The following NLRP13 variants were observed in gnomAD, a reference collection of about 807,000 sequenced individuals.
NLRP13 encodes NACHT, LRR and PYD domains-containing protein 13.
A neutral mutation model predicts 94.4 loss-of-function variants in NLRP13; 82 were observed. That is an observed-to-expected ratio of 0.87 (90% CI 0.73 to 1.04). NLRP13 has a LOEUF of 1.04. Among genes scored for constraint, NLRP13 ranks in the 50% least tolerant of loss-of-function variants. The pLI, the probability that NLRP13 is intolerant of heterozygous loss-of-function variation, is 0.00. For missense variants in NLRP13, 1,426 were observed against 1,230.8 expected, an observed-to-expected ratio of 1.16 and a Z score of -2.37; for synonymous variants, 553 against 464.7, an observed-to-expected ratio of 1.19 and a Z score of -2.45.
At chr19:55,919,628 AC>A (rs953024494) in intron 4 of NLRP13, among the ~76,000 whole-genome samples, 3 of 152,120 alleles carry the variant, frequency 2.0e-5, no homozygotes, top group Non-Finnish European at 4.4e-5. Context: ...TTAAAAAAAA[AC>A]ACCTAAGGAA....
At chr19:55,923,386 C>A (rs1986886182) in intron 4 of NLRP13, among the ~76,000 whole-genome samples, 1 of 152,170 alleles carries the variant, frequency 6.6e-6, no homozygotes, top group Non-Finnish European at 1.5e-5. Flanking sequence ...ATGGTTCTTA[C>A]CCTGGGGCAA....
chr19:55,896,820 C>CAAAAAAAAAAAAAAAAAAAA (rs3073244), intron 10 of NLRP13, among the ~76,000 whole-genome samples: 1 of 80,914 alleles, frequency 1.2e-5, no homozygotes, highest in South Asian at 7.8e-4. Context: ...CTCCATCTCA[C>CAAAAAAAAAAAAAAAAAAAA]AAAAAAAAAA....
chr19:55,903,253 A>G (rs1356687055), intron 8 of NLRP13, among the ~76,000 whole-genome samples: 1 of 152,144 alleles, frequency 6.6e-6, no homozygotes, highest in Non-Finnish European at 1.5e-5. Flanking sequence ...CGATAATCCC[A>G]TTCTTGGAGA....
chr19:55,924,035 C>T (rs1986908408), intron 3 of NLRP13, 56 bp from the exon 4 acceptor site: 1 of 1,398,176 alleles, frequency 7.2e-7, no homozygotes. Context: ...AAATGGGCCA[C>T]AATGATAAAG....
intron 9 of NLRP13, 57 bp from the exon 10 acceptor site, chr19:55,898,994 G>A (rs1986093828): frequency 1.3e-6 from 2 of 1,553,332 alleles, no homozygotes; most frequent in South Asian, 1.2e-5. Context: ...AAGCTGTGCT[G>A]TGTTTACAAC....
At position 55,918,253 on chromosome 19, in the gene NLRP13, C is replaced by CAAAAAAA. The variant is rs34099048; in HGVS notation, c.524-4967_524-4961dup. On this transcript the variant is annotated intron_variant, in intron 4 of 10. Coordinates refer to ENST00000342929, the MANE Select transcript of NLRP13 (RefSeq NM_176810.2). ...ACATATCAAAACCTCTGTGATACAG[C>CAAAAAAA]AAAAAAAAAAAAAAAGTTTATAGCA... 5.3e-3 allele frequency among the ~76,000 whole-genome samples: 690 copies of CAAAAAAA among 130,666 alleles called. 4 individuals carry two copies. Among genetic ancestry groups the CAAAAAAA allele is most frequent in the African/African-American group, 0.017 (596 of 34,788 alleles). The allele number at this position is 130,666 out of a possible 152,430, so 85.7% of individuals were successfully genotyped here.
chr19:55,930,746 G>C (rs575028), intron 1 of NLRP13, among the ~76,000 whole-genome samples: 61,244 of 145,446 alleles, frequency 0.42, 13,350 homozygotes, highest in East Asian at 0.61. Flanking sequence ...CAGGAAACAT[G>C]ATTATTTTCA....
chr19:55,915,891 T>TACTGCA (rs1986662797), intron 4 of NLRP13, among the ~76,000 whole-genome samples: 1 of 152,106 alleles, frequency 6.6e-6, no homozygotes, highest in Non-Finnish European at 1.5e-5. Flanking sequence ...GCATAAAAGC[T>TACTGCA]ACTGCAACTG....
At chr19:55,921,528 T>C (rs1986826457) in intron 4 of NLRP13, among the ~76,000 whole-genome samples, 2 of 152,200 alleles carry the variant, frequency 1.3e-5, no homozygotes, top group African/African-American at 2.4e-5. Context: ...TTTAAAAAGC[T>C]GGAAGCCTAG....
downstream of NLRP13, chr19:55,892,003 A>C: frequency 2.2e-6 from 2 of 916,694 alleles, no homozygotes. Context: ...CCGTGGGATC[A>C]CCACCACCAC....
chr19:55,906,379 AAAGAAAGACAGAAAGATAGAAAAT>A lies in NLRP13; in HGVS notation c.2448-1291_2448-1268del, dbSNP rs1286453429. Among the ~76,000 whole-genome samples the A allele has an allele frequency of 2.1e-3, 316 of 151,202 alleles. 9 individuals carry two copies. Among genetic ancestry groups the A allele is most frequent in the Admixed American group, 0.02 (308 of 15,060 alleles). On this transcript the variant is annotated intron_variant, in intron 7 of 10. Transcript: ENST00000342929. ...AGACAGATGATAGACAGACAGACAG[AAAGAAAGACAGAAAGATAGAAAAT>A]AAGTATGTCAATGTGATAAGTAAAT...
intron 4 of NLRP13, among the ~76,000 whole-genome samples, chr19:55,922,256 G>A (rs1986848661): frequency 6.6e-6 from 1 of 152,236 alleles, no homozygotes; most frequent in East Asian, 1.9e-4. Flanking sequence ...AGATTTCGGT[G>A]GAGACACAGC....
chr19:55,912,612 G>A lies in NLRP13; in HGVS notation c.1205C>T (p.Ser402Leu), dbSNP rs764186292. The A allele has an allele frequency of 6.2e-7, 1 of 1,614,130 alleles. No homozygotes were observed. Among genetic ancestry groups the A allele is most frequent in the Non-Finnish European group, 8.5e-7 (1 of 1,179,992 alleles). Residue 402 changes from serine to leucine, a missense_variant, in exon 5 of 11, where the codon TCA becomes TTA. Coordinates refer to ENST00000342929, the MANE Select transcript of NLRP13 (RefSeq NM_176810.2). ...CTGCAGGATTTTCTCAACTTCACTT[G>A]AGTCATCAAAGTGTCTCATGAAATA... ...RVYFMRHFDD[S>L]SEVEKILQQL...
At chr19:55,905,372 T>G (rs1986308470) in intron 7 of NLRP13, among the ~76,000 whole-genome samples, 1 of 150,870 alleles carries the variant, frequency 6.6e-6, no homozygotes, top group African/African-American at 2.4e-5. Flanking sequence ...AGAAACCTCA[T>G]CTCCACTAAA....
In NLRP13 at chr19:55,902,215, G is replaced by A; in HGVS notation, c.2619-10C>T. On this transcript the variant is annotated splice_polypyrimidine_tract_variant and intron_variant, in intron 8 of 10. Coordinates refer to ENST00000342929, the MANE Select transcript of NLRP13 (RefSeq NM_176810.2). ...CTGGCAAAACCAGAGCCTGCAGGGTGAAAGCCACAGAGATGGACACTCAGG... is the reference window on the plus strand; with the variant it reads ...CTGGCAAAACCAGAGCCTGCAGGGTAAAAGCCACAGAGATGGACACTCAGG... 2 of 1,613,054 alleles carry A rather than the reference G, an allele frequency of 1.2e-6. No individual in the cohort carries two copies. The highest frequency in any genetic ancestry group is 1.7e-4 in the Middle Eastern group (1 of 6,042).
At chr19:55,926,634 G>A (rs11671772) in intron 1 of NLRP13, among the ~76,000 whole-genome samples, 12,679 of 152,092 alleles carry the variant, frequency 0.083, 599 homozygotes, top group South Asian at 0.16. Flanking sequence ...GGGAAGCACC[G>A]GTGATTTACA....
At chr19:55,894,393 C>T (rs763219598), downstream of NLRP13, among the ~76,000 whole-genome samples, 4 of 152,106 alleles carry the variant, frequency 2.6e-5, no homozygotes, top group Non-Finnish European at 5.9e-5. Flanking sequence ...GGAAAGTGTT[C>T]TAATTAAATG....
chr19:55,932,290 A>C lies in NLRP13; in HGVS notation c.22T>G (p.Cys8Gly). Residue 8 changes from cysteine to glycine, a missense_variant, in exon 1 of 11, where the codon TGC becomes GGC. Transcript: ENST00000342929. ...CCTTGGTTGGTACCACCGTTGGGGC[A>C]GGTGATTACAGAAAAGTTCATCTTG... Reference protein sequence around the residue: MNFSVITCPNGGTNQGLL... With the variant: MNFSVITGPNGGTNQGLL... 6.2e-7 allele frequency: 1 copy of C among 1,605,240 alleles called. No individual in the cohort carries two copies. The highest frequency in any genetic ancestry group is 8.5e-7 in the Non-Finnish European group (1 of 1,177,926).
intron 7 of NLRP13, among the ~76,000 whole-genome samples, chr19:55,906,932 T>A (rs1209659209): frequency 6.6e-6 from 1 of 150,994 alleles, no homozygotes; most frequent in African/African-American, 2.4e-5. Context: ...ATGTGCAGGA[T>A]CTCTGCAGTT....
Sources: gnomAD v4.1 joint callset for allele counts (sites outside exome capture counted in the v4.1 genomes callset) on GRCh38, gnomAD v4.1.1 for gene constraint, MANE v1.5 for transcripts, NCBI Gene and HGNC (gene_info 2026-07-23, HGNC 2026-07-21) for gene names.